Variants in ABCB5 observed in about 807,000 individuals in gnomAD.
ABCB5 encodes the protein ATP-binding cassette sub-family B member 5.
Under a neutral mutation model 144.2 loss-of-function variants are expected in ABCB5, and 155 were observed. The observed-to-expected ratio is 1.08, with a 90% CI of 0.94 to 1.23. ABCB5 has a LOEUF of 1.23. Among genes scored for constraint, ABCB5 ranks in the 50% most tolerant of loss-of-function variants. The pLI is 0.00. For missense variants in ABCB5, 1,830 were observed against 1,520.8 expected (o/e 1.20, Z -3.38); for synonymous variants, 610 against 528.6 (o/e 1.15, Z -2.11).
At chr7:20,691,083 G>T (rs546224971) in intron 16 of ABCB5, among the ~76,000 whole-genome samples, 4 of 150,490 alleles carry the variant, frequency 2.7e-5, no homozygotes, top group South Asian at 4.2e-4. Context: ...TAAATGAGAT[G>T]AAACTTGTCA....
chr7:20,650,651 T>C (rs1051048308), intron 12 of ABCB5, among the ~76,000 whole-genome samples: 3 of 152,108 alleles, frequency 2.0e-5, no homozygotes, highest in Non-Finnish European at 4.4e-5. Context: ...GACAGTGATA[T>C]TCAAAAGTGA....
intron 23 of ABCB5, among the ~76,000 whole-genome samples, chr7:20,733,678 G>A (rs1351335006): frequency 6.8e-6 from 1 of 146,722 alleles, no homozygotes; most frequent in Non-Finnish European, 1.5e-5. Context: ...TCGCTCTGTC[G>A]CCCATGCTGG....
At chr7:20,711,736 G>A (rs1394898196) in intron 20 of ABCB5, among the ~76,000 whole-genome samples, 1 of 148,280 alleles carries the variant, frequency 6.7e-6, no homozygotes. Flanking sequence ...TTATGGGTGT[G>A]AGCCACTGCA....
chr7:20,622,239 A>G (rs1783818514), intron 1 of ABCB5, among the ~76,000 whole-genome samples: 2 of 152,174 alleles, frequency 1.3e-5, no homozygotes, highest in South Asian at 2.1e-4. Flanking sequence ...TAATTTCTAT[A>G]AAATGCAAAT....
chr7:20,722,291 G>A (rs1781892397), intron 20 of ABCB5, among the ~76,000 whole-genome samples: 2 of 152,124 alleles, frequency 1.3e-5, no homozygotes, highest in African/African-American at 4.8e-5. Context: ...AAGAATGTGG[G>A]TATGTACCTA....
At chr7:20,719,035 A>C (rs1221472006) in intron 20 of ABCB5, among the ~76,000 whole-genome samples, 5 of 152,218 alleles carry the variant, frequency 3.3e-5, no homozygotes, top group Non-Finnish European at 7.4e-5. Flanking sequence ...CTGCAGTATA[A>C]TGTACAAGGA....
Position 20,650,012 on chromosome 7 carries a change from A to C in ABCB5, c.1207-10A>C, listed in dbSNP as rs763553864. On this transcript the variant is annotated splice_polypyrimidine_tract_variant and intron_variant, in intron 11 of 27. Coordinates refer to ENST00000404938, the MANE Select transcript of ABCB5 (RefSeq NM_001163941.2). ...TGGTTTTATGATTTTCCCTCCATAC[A>C]TTCCAATAGATTCTGAAAGGTCTGA... The C allele has an allele frequency of 3.1e-6, 5 of 1,607,748 alleles. No individual in the cohort carries two copies. In the South Asian group the frequency reaches 4.4e-5, roughly 14 times the overall value.
intron 26 of ABCB5, among the ~76,000 whole-genome samples, chr7:20,749,771 G>C (rs1782859783): frequency 6.6e-6 from 1 of 152,146 alleles, no homozygotes; most frequent in Admixed American, 6.5e-5. Context: ...TGGGGGTTCA[G>C]AGGAGACCTT....
chr7:20,728,077 G>C (rs1391949866), intron 22 of ABCB5, among the ~76,000 whole-genome samples: 1 of 151,776 alleles, frequency 6.6e-6, no homozygotes, highest in Non-Finnish European at 1.5e-5. Flanking sequence ...AGTTAAATTT[G>C]TTATACTGAA....
chr7:20,700,069 C>A lies in ABCB5; in HGVS notation c.2271C>A (p.Tyr757Ter), dbSNP rs370367719. The A allele has an allele frequency of 1.9e-6, 3 of 1,613,610 alleles. No individual in the cohort carries two copies. The highest frequency in any genetic ancestry group is 2.5e-6 in the Non-Finnish European group (3 of 1,179,754). The change falls in exon 19 of 28, where the codon TAC becomes TAA. Residue 757 changes from tyrosine (Y) to a stop codon, truncating the protein, a stop_gained. Coordinates refer to ENST00000404938, the MANE Select transcript of ABCB5 (RefSeq NM_001163941.2). LOFTEE classifies it high-confidence loss of function. ...TGTTTGCTTTTCAGGGATTATTTTA[C>A]GGCAGAGCAGGGGAAATTTTAACGA... Reference protein sequence around the residue: ...FVSYFMQGLFYGRAGEILTMR... With the variant: ...FVSYFMQGLF
intron 1 of ABCB5, among the ~76,000 whole-genome samples, chr7:20,619,459 T>G (rs759326418): frequency 1.3e-5 from 2 of 152,186 alleles, no homozygotes; most frequent in Non-Finnish European, 2.9e-5. Context: ...CATTTTATGT[T>G]TGTTGGCCAC....
chr7:20,665,040 T>C (rs759755296), intron 14 of ABCB5, among the ~76,000 whole-genome samples: 17 of 152,206 alleles, frequency 1.1e-4, no homozygotes, highest in Admixed American at 7.2e-4. Context: ...TATTTAGAAG[T>C]GACAATGAAG....
At chr7:20,691,357 G>GT (rs1374294663) in intron 16 of ABCB5, among the ~76,000 whole-genome samples, 10 of 151,632 alleles carry the variant, frequency 6.6e-5, no homozygotes, top group Admixed American at 3.9e-4. Context: ...TCAGAGCAAA[G>GT]AACCGGAGAG....
intron 20 of ABCB5, among the ~76,000 whole-genome samples, chr7:20,711,776 T>TC (rs1554287278): frequency 1.2e-4 from 5 of 42,190 alleles, no homozygotes; most frequent in East Asian, 7.3e-4. Flanking sequence ...CTTTCCTTCT[T>TC]TCTCTTTCTT....
In ABCB5 at chr7:20,742,968, G is replaced by A; in HGVS notation, c.3116G>A (p.Ser1039Asn). ...TTCATCCTCCGTGGCTTATCCCTCAGTATTGAGCGAGGAAAGACAGTAGCA... is the reference window on the plus strand; with the variant it reads ...TTCATCCTCCGTGGCTTATCCCTCAATATTGAGCGAGGAAAGACAGTAGCA... Reference protein sequence around the residue: ...DVFILRGLSLSIERGKTVAFV... With the variant: ...DVFILRGLSLNIERGKTVAFV... Residue 1039 changes from serine to asparagine, a missense_variant, in exon 25 of 28, where the codon AGT (serine) becomes AAT (asparagine). Physicochemically the swap from Ser to Asn is conservative, Grantham distance 46. Coordinates refer to ENST00000404938, the MANE Select transcript of ABCB5 (RefSeq NM_001163941.2). 2 of 1,614,152 alleles carry A rather than the reference G, an allele frequency of 1.2e-6. No individual in the cohort carries two copies. The highest frequency in any genetic ancestry group is 2.2e-5 in the East Asian group (1 of 44,870).
chr7:20,668,590 T>TGG (rs560542131), intron 14 of ABCB5, among the ~76,000 whole-genome samples: 5,759 of 104,564 alleles, frequency 0.055, 123 homozygotes, highest in East Asian at 0.23. Flanking sequence ...GGGAGGGAGG[T>TGG]GGGGGGGGGG....
At chr7:20,704,908 C>G in intron 20 of ABCB5, 101 bp downstream of exon 20, 1 of 887,634 alleles carries the variant, frequency 1.1e-6, no homozygotes, top group Non-Finnish European at 1.7e-6. Context: ...GCTGAGATGA[C>G]CCACATCATT....
chr7:20,716,277 A>T (rs897831282), intron 20 of ABCB5, among the ~76,000 whole-genome samples: 1 of 151,792 alleles, frequency 6.6e-6, no homozygotes, highest in African/African-American at 2.4e-5. Context: ...TCTACAAAAC[A>T]TAACCCCCTA....
At chr7:20,639,394 CT>C (rs1342738806) in intron 5 of ABCB5, among the ~76,000 whole-genome samples, 1 of 152,084 alleles carries the variant, frequency 6.6e-6, no homozygotes, top group Non-Finnish European at 1.5e-5. Flanking sequence ...ATGGATTGCA[CT>C]TTTGGGTGTG....
Sources: gnomAD v4.1 joint callset for allele counts (sites outside exome capture counted in the v4.1 genomes callset) on GRCh38, gnomAD v4.1.1 for gene constraint, MANE v1.5 for transcripts, NCBI Gene and HGNC (gene_info 2026-07-23, HGNC 2026-07-21) for gene names.